TMC5: variants seen among roughly 807,000 people sequenced by gnomAD.
The protein encoded by TMC5 is transmembrane channel-like protein 5.
In TMC5, 86 loss-of-function variants were observed where a neutral mutation model predicts 110.5. The ratio of observed to expected loss-of-function variants is 0.78; its 90% CI spans 0.65 to 0.93. TMC5 has a LOEUF of 0.93. Ranked by LOEUF, TMC5 falls within the 40% of genes least tolerant of loss-of-function variation. The pLI, the probability that TMC5 is intolerant of heterozygous loss-of-function variation, is 0.00. For missense variants in TMC5, 1,144 were observed against 1,222.8 expected, an observed-to-expected ratio of 0.94 and a Z score of 0.96; for synonymous variants, 455 against 439.5, an observed-to-expected ratio of 1.04 and a Z score of -0.44.
chr16:19,434,011 ATAATATATATATAAATC>A (rs1967249563), intron 2 of TMC5, among the ~76,000 whole-genome samples: 1 of 64,748 alleles, frequency 1.5e-5, no homozygotes, highest in African/African-American at 7.6e-5. Context: ...TATTATATAT[ATAATATATATATAAATC>A]TATATATTAT....
chr16:19,490,298 T>C, intron 17 of TMC5, 97 bp from the exon 18 acceptor site: 1 of 1,222,766 alleles, frequency 8.2e-7, no homozygotes, highest in Non-Finnish European at 1.2e-6. Flanking sequence ...CAAGACTTGA[T>C]GTTTTCAGGC....
chr16:19,410,723 C>T (rs1966853943), exon 1 of TMC5: 1 of 152,494 alleles, frequency 6.6e-6, no homozygotes, highest in South Asian at 2.1e-4. Flanking sequence ...TGCTTCGGGC[C>T]AGGGTCGACC....
chr16:19,424,052 C>T (rs1219857665), intron 1 of TMC5, among the ~76,000 whole-genome samples: 1 of 152,170 alleles, frequency 6.6e-6, no homozygotes, highest in Non-Finnish European at 1.5e-5. Flanking sequence ...CCACACCTGC[C>T]ACCACAGTTT....
At chr16:19,445,620 A>G (rs1967597084) in intron 4 of TMC5, among the ~76,000 whole-genome samples, 2 of 152,092 alleles carry the variant, frequency 1.3e-5, no homozygotes, top group Admixed American at 1.3e-4. Context: ...AAAAAAATCC[A>G]GGCCATGTTA....
rs1328878095 is a variant in TMC5, at chr16:19,498,012, GA to G, written c.*50del. On this transcript the variant is annotated 3_prime_UTR_variant, in exon 22 of 22. Coordinates refer to ENST00000542583, the MANE Select transcript of TMC5 (RefSeq NM_001261841.2). ...CACCAATCAAATAAGGGGAGGAGAC[GA>G]AAATGGAATGATTTCTTCCATGCCA... The G allele has an allele frequency of 5.8e-6, 9 of 1,562,888 alleles. No individual in the cohort carries two copies. The highest frequency in any genetic ancestry group is 7.9e-6 in the Non-Finnish European group (9 of 1,133,542).
rs1399400454 is a variant in TMC5 at position 19,486,947 on chromosome 16, T to C, written c.2366T>C (p.Ile789Thr). Reference protein sequence around the residue: ...ELIYAQTLVWIGIFFCPLLPF... With the variant: ...ELIYAQTLVWTGIFFCPLLPF... Reference sequence around the variant, plus strand: ...CACTCACCCTCTCTCCCTCACAGGATTGGCATCTTCTTCTGCCCCCTGCTG... The same window carrying C: ...CACTCACCCTCTCTCCCTCACAGGACTGGCATCTTCTTCTGCCCCCTGCTG... Residue 789 changes from isoleucine to threonine, a missense_variant and splice_region_variant, in exon 16 of 22, where the codon ATT (isoleucine) becomes ACT (threonine). Physicochemically the swap from Ile to Thr is moderately conservative, Grantham distance 89. Transcript: ENST00000542583. The C allele has an allele frequency of 1.4e-5, 22 of 1,613,856 alleles. No individual in the cohort carries two copies. Among genetic ancestry groups the C allele is most frequent in the Non-Finnish European group, 1.7e-5 (20 of 1,179,916 alleles).
intron 20 of TMC5, 81 bp from the exon 21 acceptor site, chr16:19,497,040 C>T: frequency 6.8e-7 from 1 of 1,467,898 alleles, no homozygotes. Flanking sequence ...GAGGGGCTCA[C>T]AAATTGTGCC....
chr16:19,455,894 C>T (rs1194936116), intron 5 of TMC5, among the ~76,000 whole-genome samples: 1 of 152,126 alleles, frequency 6.6e-6, no homozygotes, highest in African/African-American at 2.4e-5. Flanking sequence ...TTTCTACAGG[C>T]AGATAAAACT....
In TMC5 at chr16:19,492,201, A is replaced by G. The variant is rs1310222476; in HGVS notation, c.2799A>G (p.Ile933Met). ...WQITEGRKIM[I>M]RLLHEQIINE... ...TCACAGAGGGAAGGAAGATTATGAT[A>G]AGGCTGCTCCATGAGCAGATCATTA... The change falls in exon 19 of 22, where the codon ATA becomes ATG. Residue 933 changes from isoleucine to methionine, a missense_variant. By Grantham distance (10) the Ile-to-Met change is conservative (BLOSUM62 1). Transcript: ENST00000542583. 4 of 1,613,578 alleles carry G rather than the reference A, an allele frequency of 2.5e-6. No individual in the cohort carries two copies. The Admixed American group carries it at 5.0e-5, about 20-fold the overall frequency.
chr16:19,421,241 T>C (rs3905363), intron 1 of TMC5, among the ~76,000 whole-genome samples: 120,054 of 152,062 alleles, frequency 0.79, 47,677 homozygotes, highest in South Asian at 0.9. Context: ...AAAAGTATCA[T>C]GTTAAAATAT....
intron 17 of TMC5, among the ~76,000 whole-genome samples, chr16:19,489,404 G>A (rs898532935): frequency 1.3e-5 from 2 of 151,944 alleles, no homozygotes; most frequent in East Asian, 1.9e-4. Context: ...GCGCAATCTC[G>A]GCTCACTGCA....
At position 19,450,074 on chromosome 16, in the gene TMC5, A is replaced by G. The variant is rs570008030; in HGVS notation, c.1048+443A>G. ...GGAACATGTCCAAGACAATCCACCC[A>G]TTGCCATTTCCTTTGACCTCCAGTG... On this transcript the variant is annotated intron_variant, in intron 5 of 21. Coordinates refer to ENST00000542583, the MANE Select transcript of TMC5 (RefSeq NM_001261841.2). Among the ~76,000 whole-genome samples the G allele has an allele frequency of 1.9e-4, 29 of 152,300 alleles. No homozygotes were observed. In the South Asian group the frequency reaches 5.8e-3, roughly 30 times the overall value.
At chr16:19,479,295 CT>C (rs548663273) in intron 13 of TMC5, 135 bp from the exon 14 acceptor site, 546 of 742,514 alleles carry the variant, frequency 7.4e-4, no homozygotes, top group Non-Finnish European at 1.2e-3. Context: ...AGTGGGTCTA[CT>C]TTTTTGAGTA....
At chr16:19,473,740 G>A (rs1968410713) in intron 11 of TMC5, among the ~76,000 whole-genome samples, 1 of 152,176 alleles carries the variant, frequency 6.6e-6, no homozygotes, top group South Asian at 2.1e-4. Context: ...AACACCTTGG[G>A]AGGCCGAGGT....
chr16:19,465,111 TCCTCCCTCCCTCCCTC>T (rs57788374), intron 8 of TMC5, among the ~76,000 whole-genome samples: 3 of 42,292 alleles, frequency 7.1e-5, no homozygotes, highest in Non-Finnish European at 1.7e-4. Context: ...CTTCCTTCCT[TCCTCCCTCCCTCCCTC>T]CCTCCCTTCC....
At chr16:19,417,418 CAAAAAAAAAAAAA>C (rs34861075), upstream of TMC5, among the ~76,000 whole-genome samples, 1 of 85,338 alleles carries the variant, frequency 1.2e-5, no homozygotes, top group African/African-American at 5.1e-5. Context: ...AACGCTGTCT[CAAAAAAAAAAAAA>C]AAAAAAAAAG....
At chr16:19,434,098 A>G (rs1326719576) in intron 2 of TMC5, among the ~76,000 whole-genome samples, 1 of 24,098 alleles carries the variant, frequency 4.1e-5, no homozygotes, top group Admixed American at 5.2e-4. Context: ...TATATCTATA[A>G]TATATATATT....
chr16:19,412,743 C>A (rs914006100), intron 1 of TMC5, among the ~76,000 whole-genome samples: 4 of 152,342 alleles, frequency 2.6e-5, no homozygotes, highest in South Asian at 4.1e-4. Context: ...GCTCAATCAA[C>A]ATTAGCTACA....
At chr16:19,446,622 T>C (rs901860351) in intron 4 of TMC5, among the ~76,000 whole-genome samples, 3 of 152,208 alleles carry the variant, frequency 2.0e-5, no homozygotes, top group Non-Finnish European at 4.4e-5. Context: ...GAAAGAAATA[T>C]GCACAAGGTC....
Sources: allele counts gnomAD v4.1 joint callset (sites outside exome capture counted in the v4.1 genomes callset), GRCh38; gene constraint gnomAD v4.1.1; transcripts MANE v1.5; gene names NCBI Gene and HGNC (gene_info 2026-07-23, HGNC 2026-07-21).